Variants in BABAM2 observed in about 807,000 individuals in gnomAD.
BABAM2 encodes BRISC and BRCA1-A complex member 2.
In BABAM2, 31 loss-of-function variants were observed where a neutral mutation model predicts 54.7. That is an observed-to-expected ratio of 0.57 (90% CI 0.43 to 0.77). BABAM2 has a LOEUF of 0.77. Ranked by LOEUF, BABAM2 falls within the 30% of genes least tolerant of loss-of-function variation. BABAM2 has a pLI of 0.00. For synonymous variants in BABAM2, 167 were observed against 162.9 expected (o/e 1.03, Z -0.19); for missense variants, 364 against 455.8 (o/e 0.80, Z 1.83).
At chr2:27,972,251 T>C (rs1467020904) in intron 3 of BABAM2, among the ~76,000 whole-genome samples, 1 of 152,200 alleles carries the variant, frequency 6.6e-6, no homozygotes, top group Non-Finnish European at 1.5e-5. Flanking sequence ...CTGACAGTCA[T>C]CTGCAGATGG....
intron 2 of BABAM2, among the ~76,000 whole-genome samples, chr2:27,914,422 A>G (rs1022034609): frequency 3.3e-5 from 5 of 152,210 alleles, no homozygotes; most frequent in African/African-American, 7.2e-5. Context: ...CTTTGCTGCT[A>G]TCATGGATTT....
intron 11 of BABAM2, among the ~76,000 whole-genome samples, chr2:28,301,133 G>A (rs142030293): frequency 9.2e-5 from 14 of 152,276 alleles, no homozygotes; most frequent in African/African-American, 1.4e-4. Flanking sequence ...AATACTGTAC[G>A]TACACAGTGC....
intron 6 of BABAM2, among the ~76,000 whole-genome samples, chr2:28,076,441 T>C (rs1362501672): frequency 2.6e-5 from 4 of 151,504 alleles, no homozygotes; most frequent in East Asian, 1.9e-4. Context: ...TAGATAACCA[T>C]TGAAAATTTT....
chr2:28,252,487 A>G (rs1683594604), intron 10 of BABAM2, among the ~76,000 whole-genome samples: 2 of 152,154 alleles, frequency 1.3e-5, no homozygotes, highest in South Asian at 2.1e-4. Flanking sequence ...CCCGGTTTAC[A>G]GTTCAGAGAG....
chr2:28,072,485 A>G (rs942293589), intron 6 of BABAM2, among the ~76,000 whole-genome samples: 2 of 151,852 alleles, frequency 1.3e-5, no homozygotes, highest in Non-Finnish European at 2.9e-5. Flanking sequence ...TCCCGGGTTC[A>G]TGCCATTCTC....
intron 7 of BABAM2, among the ~76,000 whole-genome samples, chr2:28,146,892 C>T (rs11903303): frequency 0.5 from 75,806 of 151,990 alleles, 19,473 homozygotes; most frequent in Middle Eastern, 0.61. Context: ...TCAGGACCCC[C>T]GAAGGGAGTA....
chr2:28,134,222 G>C (rs1347817512), intron 7 of BABAM2, among the ~76,000 whole-genome samples: 1 of 114,824 alleles, frequency 8.7e-6, no homozygotes, highest in Non-Finnish European at 1.8e-5. Context: ...AAAAAAAAAA[G>C]CTAGTAGTCA....
intron 6 of BABAM2, among the ~76,000 whole-genome samples, chr2:28,114,158 G>T (rs1034867663): frequency 5.3e-5 from 8 of 152,260 alleles, no homozygotes; most frequent in Middle Eastern, 6.8e-3. Flanking sequence ...CATAATATTG[G>T]AAGTTCTGGC....
intron 6 of BABAM2, among the ~76,000 whole-genome samples, chr2:28,058,024 G>C (rs547500164): frequency 2.0e-5 from 3 of 152,130 alleles, no homozygotes; most frequent in African/African-American, 7.2e-5. Context: ...GGCACCTGGA[G>C]TCCCAGCTAC....
chr2:27,980,086 TTA>T (rs1671894588), intron 3 of BABAM2, among the ~76,000 whole-genome samples: 1 of 152,224 alleles, frequency 6.6e-6, no homozygotes, highest in African/African-American at 2.4e-5. Context: ...GCTCCCACTG[TTA>T]TAGCCTGGCA....
At chr2:28,331,378 C>T (rs1690945735) in intron 11 of BABAM2, among the ~76,000 whole-genome samples, 1 of 152,118 alleles carries the variant, frequency 6.6e-6, no homozygotes, top group Admixed American at 6.5e-5. Flanking sequence ...TCAAAATGAA[C>T]AGACAACCTA....
intron 1 of BABAM2, among the ~76,000 whole-genome samples, chr2:27,891,621 C>T (rs1294390268): frequency 6.6e-6 from 1 of 152,016 alleles, no homozygotes; most frequent in East Asian, 1.9e-4. Flanking sequence ...TCCATGTACC[C>T]GGTTCACTGC....
At chr2:28,124,218 C>T (rs1669307439) in intron 6 of BABAM2, among the ~76,000 whole-genome samples, 2 of 152,186 alleles carry the variant, frequency 1.3e-5, no homozygotes, top group Admixed American at 1.3e-4. Flanking sequence ...GCTACTTCTA[C>T]ACTTAGATCA....
intron 2 of BABAM2, among the ~76,000 whole-genome samples, chr2:27,895,246 T>C (rs550403266): frequency 2.6e-4 from 40 of 152,342 alleles, no homozygotes; most frequent in African/African-American, 8.9e-4. Flanking sequence ...TTAATTGTTC[T>C]ACAGGTCTTA....
chr2:27,948,565 G>C (rs1036063220), intron 3 of BABAM2, among the ~76,000 whole-genome samples: 1 of 152,214 alleles, frequency 6.6e-6, no homozygotes, highest in Non-Finnish European at 1.5e-5. Flanking sequence ...GAGGTCAGGA[G>C]TTAGAGACCA....
chr2:28,151,696 A>T (rs1466671090), intron 7 of BABAM2, among the ~76,000 whole-genome samples: 1 of 152,240 alleles, frequency 6.6e-6, no homozygotes. Context: ...TGAGAATAAC[A>T]ATAAATTAGA....
At chr2:28,183,739 T>TCTCTCTCACACA (rs1553336494) in intron 7 of BABAM2, among the ~76,000 whole-genome samples, 11 of 133,124 alleles carry the variant, frequency 8.3e-5, no homozygotes, top group South Asian at 2.4e-4. Context: ...TGGATGAAGA[T>TCTCTCTCACACA]CACACACACA....
At chr2:28,255,482 C>G (rs1455507088) in intron 10 of BABAM2, among the ~76,000 whole-genome samples, 2 of 152,088 alleles carry the variant, frequency 1.3e-5, no homozygotes, top group African/African-American at 4.8e-5. Context: ...ACCATGCTGG[C>G]CAAGCTGGTC....
chr2:28,031,902 T>G (rs4666032), intron 5 of BABAM2, among the ~76,000 whole-genome samples: 16 of 152,194 alleles, frequency 1.1e-4, no homozygotes, highest in Non-Finnish European at 8.8e-5. Flanking sequence ...TTCAACTGGC[T>G]TACTGATCAG....
Sources: allele counts gnomAD v4.1 joint callset (sites outside exome capture counted in the v4.1 genomes callset), GRCh38; gene constraint gnomAD v4.1.1; transcripts MANE v1.5; gene names NCBI Gene and HGNC (gene_info 2026-07-23, HGNC 2026-07-21).